AOX1: variants seen among roughly 807,000 people sequenced by gnomAD.
The protein encoded by AOX1 is aldehyde oxidase 1.
In AOX1, 153 loss-of-function variants were observed where a neutral mutation model predicts 169.5. The ratio of observed to expected loss-of-function variants is 0.90; its 90% CI spans 0.79 to 1.03. The LOEUF (loss-of-function observed/expected upper bound fraction) is 1.03. Among genes scored for constraint, AOX1 ranks in the 50% least tolerant of loss-of-function variants. The pLI is 0.00. For missense variants in AOX1, 1,656 were observed against 1,663.9 expected (o/e 1.00, Z 0.08); for synonymous variants, 562 against 581.9 (o/e 0.97, Z 0.49).
Position 200,603,397 on chromosome 2 carries a change from A to G in AOX1, c.588+41A>G, listed in dbSNP as rs764547298. 5.3e-6 allele frequency: 8 copies of G among 1,514,610 alleles called. No individual in the cohort carries two copies. In the South Asian group the frequency reaches 7.9e-5, roughly 15 times the overall value. 93.8% of individuals were successfully genotyped at this position (1,514,610 alleles called of 1,614,324 possible). A position where few individuals can be genotyped will look rare whatever the true frequency, so the allele number is the denominator to read the frequency against. ...AGCTTTTATAAGGCTTTCTCAGGAC[A>G]TGAACAGGAGCCAACATACTCTTAG... On this transcript the variant is annotated intron_variant, in intron 7 of 34. Coordinates refer to ENST00000374700, the MANE Select transcript of AOX1 (RefSeq NM_001159.4).
At chr2:200,586,239 C>T in intron 1 of AOX1, 86 bp downstream of exon 1, 3 of 1,385,668 alleles carry the variant, frequency 2.2e-6, no homozygotes, top group East Asian at 2.7e-5. Flanking sequence ...CCCATCCTTT[C>T]GTGCCCGCCG....
chr2:200,662,015 C>T (rs2035837697), intron 30 of AOX1, among the ~76,000 whole-genome samples: 1 of 152,130 alleles, frequency 6.6e-6, no homozygotes, highest in Admixed American at 6.5e-5. Flanking sequence ...AAGATGGGTA[C>T]CATTTTACAC....
chr2:200,586,281 C>A, intron 1 of AOX1, 128 bp downstream of exon 1: 1 of 1,072,128 alleles, frequency 9.3e-7, no homozygotes, highest in Non-Finnish European at 1.3e-6. Context: ...CTGGCTTTCT[C>A]CCGTAACAGC....
intron 27 of AOX1, among the ~76,000 whole-genome samples, chr2:200,657,190 A>ATATTTATAT: frequency 1.6e-5 from 1 of 62,916 alleles, no homozygotes; most frequent in Non-Finnish European, 2.6e-5. Context: ...ATATATATAT[A>ATATTTATAT]TTTTTTTTTT....
chr2:200,623,828 C>T lies in AOX1; in HGVS notation c.2002-33C>T, dbSNP rs371651695. The T allele has an allele frequency of 8.1e-6, 13 of 1,612,428 alleles. No individual in the cohort carries two copies. The African/African-American group carries it at 1.3e-4, about 17-fold the overall frequency. On this transcript the variant is annotated intron_variant, in intron 18 of 34. Coordinates refer to ENST00000374700, the MANE Select transcript of AOX1 (RefSeq NM_001159.4). ...TAAAAGAGAGGACCTGATGCCTGCC[C>T]TCCTTGACAACAAAGGTCTTTCTGT...
chr2:200,670,575 C>T (rs1194948724), intron 34 of AOX1, 54 bp from the exon 35 acceptor site: 3 of 1,491,978 alleles, frequency 2.0e-6, no homozygotes, highest in Non-Finnish European at 2.8e-6. Context: ...CTATTTTTCA[C>T]CTAAGTCACA....
At position 200,670,924 on chromosome 2, in the gene AOX1, C is replaced by T. The variant is rs538559167; in HGVS notation, c.*245C>T. ...AATTGGTTTCCTCTAGGGTGATATC[C>T]GTCATTACTCTGTCTCTTCAATCCA... On this transcript the variant is annotated 3_prime_UTR_variant, in exon 35 of 35. Transcript: ENST00000374700. 4 of 403,714 alleles carry T rather than the reference C, an allele frequency of 9.9e-6. No homozygotes were observed. The highest frequency in any genetic ancestry group is 8.0e-5 in the Admixed American group (2 of 25,092). The allele number at this position is 403,714 out of a possible 1,614,324, so 25.0% of individuals were successfully genotyped here.
chr2:200,666,207 A>C (rs574324277), intron 31 of AOX1, among the ~76,000 whole-genome samples: 1 of 152,346 alleles, frequency 6.6e-6, no homozygotes, highest in African/African-American at 2.4e-5. Flanking sequence ...AGTCTAGAAC[A>C]GCAGATGACA....
intron 32 of AOX1, among the ~76,000 whole-genome samples, chr2:200,667,004 T>C (rs958374930): frequency 1.3e-5 from 2 of 152,192 alleles, no homozygotes; most frequent in Non-Finnish European, 2.9e-5. Context: ...AGACCAAGCC[T>C]ACAGGTGACT....
At chr2:200,611,982 G>A (rs958509240) in intron 13 of AOX1, among the ~76,000 whole-genome samples, 2 of 152,122 alleles carry the variant, frequency 1.3e-5, no homozygotes, top group Admixed American at 1.3e-4. Flanking sequence ...TGGGATTACA[G>A]GTGTGAGCCA....
At chr2:200,675,341 A>G (rs565734570), downstream of AOX1, among the ~76,000 whole-genome samples, 2 of 152,340 alleles carry the variant, frequency 1.3e-5, no homozygotes, top group Non-Finnish European at 2.9e-5. Flanking sequence ...AGGAGAGAAG[A>G]ATAAGTACAA....
At chr2:200,647,067 T>C (rs1042216145) in intron 25 of AOX1, among the ~76,000 whole-genome samples, 8 of 152,222 alleles carry the variant, frequency 5.3e-5, no homozygotes, top group Non-Finnish European at 1.0e-4. Flanking sequence ...TTATATTCAA[T>C]GTTAGTATTG....
intron 8 of AOX1, 51 bp from the exon 9 acceptor site, chr2:200,604,643 CAG>C: frequency 1.3e-6 from 2 of 1,590,956 alleles, no homozygotes; most frequent in Non-Finnish European, 1.7e-6. Context: ...TGAGTGGAAA[CAG>C]GTGGAGATGG....
intron 17 of AOX1, 58 bp from the exon 18 acceptor site, chr2:200,621,062 A>G: frequency 6.5e-7 from 1 of 1,549,254 alleles, no homozygotes; most frequent in African/African-American, 1.4e-5. Flanking sequence ...TTATCCAATT[A>G]ACCATGTTCT....
At chr2:200,608,087 A>C (rs1248700378) in intron 10 of AOX1, among the ~76,000 whole-genome samples, 1 of 152,202 alleles carries the variant, frequency 6.6e-6, no homozygotes, top group Non-Finnish European at 1.5e-5. Context: ...ATACCTATGT[A>C]ACAAACCTGC....
intron 19 of AOX1, among the ~76,000 whole-genome samples, chr2:200,626,598 G>T (rs951850517): frequency 6.6e-6 from 1 of 152,202 alleles, no homozygotes; most frequent in Non-Finnish European, 1.5e-5. Flanking sequence ...CCCAGGGAGA[G>T]CCAATAGGAG....
chr2:200,634,803 T>A lies in AOX1; in HGVS notation c.2234T>A (p.Met745Lys). The change falls in exon 21 of 35, where the codon ATG becomes AAG. Residue 745 changes from methionine to lysine, a missense_variant. By Grantham distance (95) the Met-to-Lys change is moderately conservative (BLOSUM62 -1). Coordinates refer to ENST00000374700, the MANE Select transcript of AOX1 (RefSeq NM_001159.4). Reference protein sequence around the residue: ...VDQILEGEIHMGGQEHFYMET... With the variant: ...VDQILEGEIHKGGQEHFYMET... The stretch of plus-strand genomic sequence containing the variant: ...TTTCCTGTAACAGGTGAAATACATA[T>A]GGGAGGTCAAGAACATTTTTATATG... 6.2e-7 allele frequency: 1 copy of A among 1,614,016 alleles called. No individual in the cohort carries two copies. Among genetic ancestry groups the A allele is most frequent in the South Asian group, 1.1e-5 (1 of 91,082 alleles).
intron 29 of AOX1, among the ~76,000 whole-genome samples, chr2:200,660,401 C>G (rs950827292): frequency 1.3e-5 from 2 of 152,252 alleles, no homozygotes; most frequent in Middle Eastern, 3.4e-3. Context: ...TTTTCTCTTT[C>G]TTTGGGTTCT....
At chr2:200,619,955 C>T (rs925521699) in intron 16 of AOX1, among the ~76,000 whole-genome samples, 1 of 152,050 alleles carries the variant, frequency 6.6e-6, no homozygotes, top group African/African-American at 2.4e-5. Flanking sequence ...TATATAGAAA[C>T]AGTAAAGTCA....
Sources: gnomAD v4.1 joint callset for allele counts (sites outside exome capture counted in the v4.1 genomes callset) on GRCh38, gnomAD v4.1.1 for gene constraint, MANE v1.5 for transcripts, NCBI Gene and HGNC (gene_info 2026-07-23, HGNC 2026-07-21) for gene names.